Variants in NPTXR observed in about 807,000 individuals in gnomAD.
NPTXR encodes the protein neuronal pentraxin receptor.
Under a neutral mutation model 32.2 loss-of-function variants are expected in NPTXR, and 12 were observed. The observed-to-expected ratio is 0.37, with a 90% confidence interval of 0.24 to 0.60. The LOEUF (loss-of-function observed/expected upper bound fraction) is 0.60. Ranked by LOEUF, NPTXR falls within the 20% of genes least tolerant of loss-of-function variation. NPTXR has a pLI of 0.66. For missense variants in NPTXR, 612 were observed against 682.9 expected, an observed-to-expected ratio of 0.90 and a Z score of 1.16; for synonymous variants, 323 against 315.8, an observed-to-expected ratio of 1.02 and a Z score of -0.24.
chr22:38,838,249 G>C (rs573291157), intron 1 of NPTXR, among the ~76,000 whole-genome samples: 3 of 152,150 alleles, frequency 2.0e-5, no homozygotes, highest in Admixed American at 6.5e-5. Flanking sequence ...TGAAGCTGGT[G>C]GGGGGCGGGG....
Position 38,826,594 on chromosome 22 carries a change from C to T in NPTXR, c.1004G>A (p.Gly335Asp). ...GGGCACTGAGTAGGAGAAGGGGGTG[C>T]CCTGGCCGGTGCCGCTGGACCTGGA... is the stretch of plus-strand genomic sequence containing the variant. Residue 335 changes from glycine (G) to aspartate (D), a missense_variant, in exon 3 of 5, where the codon GGC becomes GAC. By Grantham distance (94) the Gly-to-Asp change is moderately conservative. Transcript: ENST00000333039. 1 of 1,614,216 alleles carries T rather than the reference C, an allele frequency of 6.2e-7. No individual in the cohort carries two copies. The highest frequency in any genetic ancestry group is 8.5e-7 in the Non-Finnish European group (1 of 1,180,032).
chr22:38,828,049 A>T (rs532446328), intron 2 of NPTXR, among the ~76,000 whole-genome samples: 4 of 152,302 alleles, frequency 2.6e-5, no homozygotes, highest in Admixed American at 2.6e-4. Context: ...AAATCAGCTG[A>T]TGTATCAAGT....
Position 38,843,091 on chromosome 22 carries a change from A to T in NPTXR, c.624+144T>A. 1.2e-6 allele frequency: 1 copy of T among 868,066 alleles called. No individual in the cohort carries two copies. The highest frequency in any genetic ancestry group is 1.5e-6 in the Non-Finnish European group (1 of 658,476). The allele number at this position is 868,066 out of a possible 1,614,324, so 53.8% of individuals were successfully genotyped here. ...ACGCCTGCCCGCGTTCCCTATCGAA[A>T]TCCCCCCGCCTCGCCAGCGAGGAAG... On this transcript the variant is annotated intron_variant, in intron 1 of 4. Transcript: ENST00000333039. This position sits in a 1 kb window ranked among gnomAD's most constrained non-coding sequence, Gnocchi z 5.3.
chr22:38,828,702 G>A (rs1370061736), intron 1 of NPTXR, among the ~76,000 whole-genome samples, 190 bp from the exon 2 acceptor site: 1 of 152,234 alleles, frequency 6.6e-6, no homozygotes, highest in African/African-American at 2.4e-5. Flanking sequence ...TCTGTTCCTG[G>A]TGCTGGCACA....
Position 38,843,995 on chromosome 22 carries a change from G to A in NPTXR, c.-137C>T, listed in dbSNP as rs2093136250. ...GGAGCCGGAGCCGGAGCCGGAGCTG[G>A]AGCTGTCGCCGCGGCCGCTGCTGCC... On this transcript the variant is annotated 5_prime_UTR_variant, in exon 1 of 5. Coordinates refer to ENST00000333039, the MANE Select transcript of NPTXR (RefSeq NM_014293.4). This position sits in a 1 kb window ranked among gnomAD's most constrained non-coding sequence, Gnocchi z 5.3. 3.0e-6 allele frequency: 1 copy of A among 336,798 alleles called. No homozygotes were observed. The allele number at this position is 336,798 out of a possible 1,614,324, so 20.9% of individuals were successfully genotyped here. A position where few individuals can be genotyped will look rare whatever the true frequency, so the allele number is the denominator to read the frequency against.
rs1029216405 is a variant in NPTXR, at chr22:38,821,545, G to C, written c.*1064C>G. ...TGGAGAGCAAATGACCAAAGCGAGG[G>C]CCTCAGCTCACGAATGAGGAAGGCC... On this transcript the variant is annotated 3_prime_UTR_variant, in exon 5 of 5. Coordinates refer to ENST00000333039, the MANE Select transcript of NPTXR (RefSeq NM_014293.4). The C allele has an allele frequency of 6.6e-6, 1 of 152,478 alleles. No individual in the cohort carries two copies. The highest frequency in any genetic ancestry group is 1.5e-5 in the Non-Finnish European group (1 of 68,216). The allele number at this position is 152,478 out of a possible 1,614,324, so 9.4% of individuals were successfully genotyped here.
intron 1 of NPTXR, among the ~76,000 whole-genome samples, chr22:38,828,790 A>G (rs2093111687): frequency 6.6e-6 from 1 of 152,218 alleles, no homozygotes; most frequent in Non-Finnish European, 1.5e-5. Flanking sequence ...GGGCGTGGCC[A>G]TGAGTGCTGT....
At chr22:38,842,638 C>T (rs1286198286) in intron 1 of NPTXR, among the ~76,000 whole-genome samples, 1 of 152,134 alleles carries the variant, frequency 6.6e-6, no homozygotes, top group Admixed American at 6.5e-5. Flanking sequence ...TGAGGCTGGG[C>T]GCCTGGCACC....
At chr22:38,838,795 A>G (rs536499210) in intron 1 of NPTXR, among the ~76,000 whole-genome samples, 1 of 151,872 alleles carries the variant, frequency 6.6e-6, no homozygotes, top group African/African-American at 2.4e-5. Flanking sequence ...GTTAGCCAGG[A>G]TGGTCTCGAT....
intron 3 of NPTXR, among the ~76,000 whole-genome samples, chr22:38,825,864 A>T: frequency 7.7e-6 from 1 of 129,872 alleles, no homozygotes; most frequent in African/African-American, 3.0e-5. Flanking sequence ...TTTTTTTGAC[A>T]CAGAGTCTTC....
At position 38,843,748 on chromosome 22, in the gene NPTXR, G is replaced by A. The variant is rs937281164; in HGVS notation, c.111C>T (p.Pro37=). ...CGACCGAAGCATTGTCGGCGCCGCC[G>A]GGCAGCGCCCGCGCCGGGCTGGCCG... The change falls in exon 1 of 5, where the codon CCC becomes CCT. Residue 37 remains proline, a synonymous_variant. Coordinates refer to ENST00000333039, the MANE Select transcript of NPTXR (RefSeq NM_014293.4). The surrounding 1 kb of genome is among the most constrained non-coding windows in gnomAD (Gnocchi z 5.3). 51 of 997,516 alleles carry A rather than the reference G, an allele frequency of 5.1e-5. No homozygotes were observed. The highest frequency in any genetic ancestry group is 5.6e-5 in the Non-Finnish European group (47 of 839,718). 61.8% of individuals were successfully genotyped at this position (997,516 alleles called of 1,614,324 possible). A position where few individuals can be genotyped will look rare whatever the true frequency, so the allele number is the denominator to read the frequency against.
At chr22:38,837,219 A>G (rs1026774460) in intron 1 of NPTXR, among the ~76,000 whole-genome samples, 3 of 152,090 alleles carry the variant, frequency 2.0e-5, no homozygotes, top group Non-Finnish European at 4.4e-5. Context: ...TGGAATTTGC[A>G]CCCAGGTGAT....
chr22:38,829,815 C>A (rs533667813), intron 1 of NPTXR, among the ~76,000 whole-genome samples: 2 of 152,336 alleles, frequency 1.3e-5, no homozygotes, highest in Admixed American at 1.3e-4. Context: ...AAACCAAGAA[C>A]CCCACCTTTC....
At chr22:38,833,590 C>T (rs910289558) in intron 1 of NPTXR, among the ~76,000 whole-genome samples, 4 of 151,724 alleles carry the variant, frequency 2.6e-5, no homozygotes, top group Admixed American at 1.3e-4. Flanking sequence ...AGACAGAAAG[C>T]GCTTAGTGCG....
chr22:38,829,818 C>T (rs968051125), intron 1 of NPTXR, among the ~76,000 whole-genome samples: 1 of 152,240 alleles, frequency 6.6e-6, no homozygotes, highest in Non-Finnish European at 1.5e-5. Context: ...CCAAGAACCC[C>T]ACCTTTCCTC....
Position 38,820,116 on chromosome 22 carries a change from T to G in NPTXR, c.*2493A>C, listed in dbSNP as rs1290471621. The G allele has an allele frequency of 2.0e-5, 3 of 152,512 alleles. No individual in the cohort carries two copies. Among genetic ancestry groups the G allele is most frequent in the Non-Finnish European group, 4.4e-5 (3 of 68,024 alleles). The allele number at this position is 152,512 out of a possible 1,614,324, so 9.4% of individuals were successfully genotyped here. A position where few individuals can be genotyped will look rare whatever the true frequency, so the allele number is the denominator to read the frequency against. ...ACATCAAGCTTGGCGTCACTGAAATTGAAGTTCTGAATTCTGCCGTCACCC... is the reference window on the plus strand; with the variant it reads ...ACATCAAGCTTGGCGTCACTGAAATGGAAGTTCTGAATTCTGCCGTCACCC... On this transcript the variant is annotated 3_prime_UTR_variant, in exon 5 of 5. Transcript: ENST00000333039.
intron 3 of NPTXR, 28 bp from the exon 4 acceptor site, chr22:38,823,290 C>A: frequency 6.2e-7 from 1 of 1,602,114 alleles, no homozygotes; most frequent in South Asian, 1.1e-5. Flanking sequence ...AACCCCAGGT[C>A]AGAGGTGCCC....
chr22:38,833,197 G>A (rs565253236), intron 1 of NPTXR, among the ~76,000 whole-genome samples: 83 of 152,326 alleles, frequency 5.4e-4, no homozygotes, highest in South Asian at 1.0e-3. Context: ...CCCAGGTAGT[G>A]GTACTCCCAG....
chr22:38,831,393 C>T (rs1407963974), intron 1 of NPTXR, among the ~76,000 whole-genome samples: 4 of 151,804 alleles, frequency 2.6e-5, no homozygotes, highest in Non-Finnish European at 4.4e-5. Context: ...AGCAACAGAG[C>T]GAGACAAAAA....
Sources: allele counts gnomAD v4.1 joint callset (sites outside exome capture counted in the v4.1 genomes callset), GRCh38; gene constraint gnomAD v4.1.1; non-coding constraint Gnocchi (gnomAD v3.1); transcripts MANE v1.5; gene names NCBI Gene and HGNC (gene_info 2026-07-23, HGNC 2026-07-21).